FGF18: variants seen among roughly 807,000 people sequenced by gnomAD.
FGF18 encodes fibroblast growth factor 18.
A neutral mutation model predicts 23.0 loss-of-function variants in FGF18; 5 were observed. That is an observed-to-expected ratio of 0.22 (90% CI 0.11 to 0.46). The LOEUF is 0.46. FGF18 is among the 20% of genes least tolerant of loss of function. FGF18 has a pLI of 0.99. For missense variants in FGF18, 180 were observed against 291.6 expected (o/e 0.62, Z 2.79); for synonymous variants, 117 against 118.9 (o/e 0.98, Z 0.10).
Position 171,453,279 on chromosome 5 carries a change from G to A in FGF18, c.358-3260G>A, listed in dbSNP as rs541924380. ...CTTATCCATTTTTGCCTGAGGTCACGCAGGGGAACTTGTGATCATCATAGC... is the reference window on the plus strand; with the variant it reads ...CTTATCCATTTTTGCCTGAGGTCACACAGGGGAACTTGTGATCATCATAGC... On this transcript the variant is annotated intron_variant, in intron 4 of 4. Coordinates refer to ENST00000274625, the MANE Select transcript of FGF18 (RefSeq NM_003862.3). Among the ~76,000 whole-genome samples, 20 of 152,308 alleles carry A rather than the reference G, an allele frequency of 1.3e-4. No homozygotes were observed. In the East Asian group the frequency reaches 2.1e-3, roughly 16 times the overall value.
chr5:171,427,913 C>T (rs529526515), intron 2 of FGF18, among the ~76,000 whole-genome samples: 1 of 152,276 alleles, frequency 6.6e-6, no homozygotes, highest in South Asian at 2.1e-4. Context: ...GCCCAGCACG[C>T]TTCAGTTGGC....
intron 4 of FGF18, among the ~76,000 whole-genome samples, chr5:171,452,670 T>G (rs188293528): frequency 1.6e-4 from 25 of 152,270 alleles, no homozygotes; most frequent in African/African-American, 6.0e-4. Flanking sequence ...CAACCCAGAT[T>G]GTATTTTTCT....
intron 3 of FGF18, among the ~76,000 whole-genome samples, chr5:171,444,675 A>AG (rs1772392668): frequency 2.0e-5 from 3 of 151,986 alleles, no homozygotes; most frequent in Admixed American, 2.0e-4. Context: ...ACAGTGGTGA[A>AG]GGGCACTGAC....
At chr5:171,443,231 G>A (rs1772370939) in intron 3 of FGF18, among the ~76,000 whole-genome samples, 2 of 152,024 alleles carry the variant, frequency 1.3e-5, no homozygotes, top group African/African-American at 4.8e-5. Context: ...CAAGGTTCAA[G>A]TGATTCTCCT....
chr5:171,425,984 G>A (rs1481812987), intron 2 of FGF18, among the ~76,000 whole-genome samples: 1 of 152,170 alleles, frequency 6.6e-6, no homozygotes, highest in Non-Finnish European at 1.5e-5. Context: ...TCAGCTCTGT[G>A]TCTGTCCGGC....
In FGF18 at chr5:171,449,470, C is replaced by A. The variant is rs148266720; in HGVS notation, c.357+217C>A. On this transcript the variant is annotated intron_variant, in intron 4 of 4. Transcript: ENST00000274625. ...TGTAATCTCTTCCTTTCACCCCATCCCATCCCCCACTTCTCTTCCCCGGGC... is the reference window on the plus strand; with the variant it reads ...TGTAATCTCTTCCTTTCACCCCATCACATCCCCCACTTCTCTTCCCCGGGC... Among the ~76,000 whole-genome samples the A allele has an allele frequency of 5.5e-3, 828 of 151,274 alleles. 7 individuals carry two copies. The highest frequency in any genetic ancestry group is 0.019 in the African/African-American group (786 of 41,208).
chr5:171,426,889 C>T (rs960358379), intron 2 of FGF18, among the ~76,000 whole-genome samples: 1 of 152,158 alleles, frequency 6.6e-6, no homozygotes, highest in Admixed American at 6.5e-5. Context: ...CTCAGTTTCC[C>T]CATCTGTAAA....
intron 2 of FGF18, among the ~76,000 whole-genome samples, chr5:171,432,359 T>TTTC (rs57512567): frequency 0.3 from 45,197 of 151,356 alleles, 6,872 homozygotes; most frequent in East Asian, 0.42. Flanking sequence ...TGGGGGTCAT[T>TTTC]TTCTTCTTCT....
intron 3 of FGF18, among the ~76,000 whole-genome samples, chr5:171,438,396 G>A (rs1342820861): frequency 1.3e-5 from 2 of 151,794 alleles, no homozygotes; most frequent in Admixed American, 6.6e-5. Flanking sequence ...GCATGGCCGC[G>A]CCCGGCCATG....
At chr5:171,423,312 T>C (rs1433737483) in intron 2 of FGF18, among the ~76,000 whole-genome samples, 1 of 152,236 alleles carries the variant, frequency 6.6e-6, no homozygotes, top group East Asian at 1.9e-4. Context: ...TGGAAGAATT[T>C]TAAAAATTTC....
intron 2 of FGF18, among the ~76,000 whole-genome samples, chr5:171,431,565 C>A (rs1772181945): frequency 1.3e-5 from 2 of 152,016 alleles, no homozygotes; most frequent in African/African-American, 4.8e-5. Flanking sequence ...AGAACTGAAG[C>A]CCTCAAGGCA....
chr5:171,434,427 A>G lies in FGF18; in HGVS notation c.70-1666A>G, dbSNP rs1318191583. 1.3e-5 allele frequency among the ~76,000 whole-genome samples: 2 copies of G among 152,186 alleles called. No individual in the cohort carries two copies. Among genetic ancestry groups the G allele is most frequent in the Admixed American group, 1.3e-4 (2 of 15,280 alleles). The stretch of plus-strand genomic sequence containing the variant: ...AAGGAAACACATCCCTGCCCTTGGG[A>G]GCTCACAGCTGAGAGGTGAGACAGA... On this transcript the variant is annotated intron_variant, in intron 2 of 4. Coordinates refer to ENST00000274625, the MANE Select transcript of FGF18 (RefSeq NM_003862.3). This position sits in a 1 kb window ranked among gnomAD's most constrained non-coding sequence, Gnocchi z 4.6.
chr5:171,438,258 C>G (rs1219892898), intron 3 of FGF18, among the ~76,000 whole-genome samples: 1 of 151,942 alleles, frequency 6.6e-6, no homozygotes, highest in Admixed American at 6.6e-5. Flanking sequence ...CCCACCACCA[C>G]GCCTGGCTAA....
Position 171,436,126 on chromosome 5 carries a change from A to C in FGF18, c.103A>C (p.Ile35Leu). ...LVAEENVDFR[I>L]HVENQTRARD... ...TGCCGAGGAGAACGTGGACTTCCGC[A>C]TCCACGTGGAGAACCAGACGCGGGC... The change falls in exon 3 of 5, where the codon ATC becomes CTC. Residue 35 changes from isoleucine to leucine, a missense_variant. Physicochemically the swap from Ile to Leu is conservative, Grantham distance 5. Transcript: ENST00000274625. This position sits in a 1 kb window ranked among gnomAD's most constrained non-coding sequence, Gnocchi z 4.4. 6.3e-7 allele frequency: 1 copy of C among 1,575,774 alleles called. No individual in the cohort carries two copies. The highest frequency in any genetic ancestry group is 8.6e-7 in the Non-Finnish European group (1 of 1,156,522).
At chr5:171,420,477 C>T in intron 2 of FGF18, 34 bp downstream of exon 2, 1 of 1,606,178 alleles carries the variant, frequency 6.2e-7, no homozygotes, top group South Asian at 1.1e-5. Flanking sequence ...CTCCTCCCGC[C>T]CCTGCCTCGC....
intron 2 of FGF18, among the ~76,000 whole-genome samples, chr5:171,431,998 G>A (rs12515997): frequency 0.16 from 24,431 of 152,054 alleles, 2,232 homozygotes; most frequent in South Asian, 0.31. Flanking sequence ...GCAGTGAGCC[G>A]AGATCGCGCC....
intron 2 of FGF18, among the ~76,000 whole-genome samples, chr5:171,422,795 G>A (rs1411550714): frequency 1.3e-5 from 2 of 152,176 alleles, no homozygotes; most frequent in Non-Finnish European, 2.9e-5. Context: ...CTCTCTACAT[G>A]GCAGGAAGGG....
intron 4 of FGF18, among the ~76,000 whole-genome samples, chr5:171,454,509 G>C (rs534540873): frequency 1.3e-5 from 2 of 152,212 alleles, no homozygotes; most frequent in African/African-American, 4.8e-5. Flanking sequence ...TGGGTCCCAC[G>C]TGTGTGTCCC....
At chr5:171,432,521 G>A (rs1772195512) in intron 2 of FGF18, among the ~76,000 whole-genome samples, 1 of 152,108 alleles carries the variant, frequency 6.6e-6, no homozygotes, top group Admixed American at 6.5e-5. Flanking sequence ...TGATTCTCCG[G>A]CCTCAGCCTC....
Sources: gnomAD v4.1 joint callset for allele counts (sites outside exome capture counted in the v4.1 genomes callset) on GRCh38, gnomAD v4.1.1 for gene constraint, Gnocchi (gnomAD v3.1) non-coding constraint, MANE v1.5 for transcripts, NCBI Gene and HGNC (gene_info 2026-07-23, HGNC 2026-07-21) for gene names.